The following KHDRBS2 variants were observed in gnomAD, a reference collection of about 807,000 sequenced individuals.
KHDRBS2 encodes KH RNA binding domain containing, signal transduction associated 2, also known as KH domain-containing, RNA-binding, signal transduction-associated protein 2.
Under a neutral mutation model 44.3 loss-of-function variants are expected in KHDRBS2, and 26 were observed. The observed-to-expected ratio is 0.59, with a 90% CI of 0.43 to 0.81. The LOEUF (loss-of-function observed/expected upper bound fraction) is 0.81, where lower values mean the gene tolerates loss of function less well. Ranked by LOEUF, KHDRBS2 falls within the 40% of genes least tolerant of loss-of-function variation. KHDRBS2 has a pLI of 0.00. For synonymous variants in KHDRBS2, 194 were observed against 151.1 expected (o/e 1.28, Z -2.08); for missense variants, 476 against 433.1 (o/e 1.10, Z -0.88).
chr6:61,933,194 G>T (rs1159961154), intron 4 of KHDRBS2, among the ~76,000 whole-genome samples: 1 of 152,132 alleles, frequency 6.6e-6, no homozygotes, highest in Non-Finnish European at 1.5e-5. Flanking sequence ...AGAGAAGGAA[G>T]GTGGTGCTAC....
intron 2 of KHDRBS2, among the ~76,000 whole-genome samples, chr6:62,162,301 G>C (rs1817819507): frequency 6.6e-6 from 1 of 152,046 alleles, no homozygotes. Context: ...GCTGTTGTGT[G>C]TGTGGGAATG....
At chr6:62,236,717 A>T (rs917808111) in intron 1 of KHDRBS2, among the ~76,000 whole-genome samples, 30 of 152,134 alleles carry the variant, frequency 2.0e-4, no homozygotes, top group Non-Finnish European at 3.7e-4. Context: ...AAGCAAATAC[A>T]TGTAAAATAC....
the KHDRBS2 span, among the ~76,000 whole-genome samples, chr6:61,574,610 C>T: frequency 6.6e-6 from 1 of 152,010 alleles, no homozygotes; most frequent in Non-Finnish European, 1.5e-5. Context: ...ATTTGACTAA[C>T]GGAACAAGTT....
chr6:61,558,217 A>G, the KHDRBS2 span, among the ~76,000 whole-genome samples: 1 of 151,790 alleles, frequency 6.6e-6, no homozygotes, highest in Non-Finnish European at 1.5e-5. Context: ...ATGAATCATT[A>G]TGTTGTTTAT....
intron 6 of KHDRBS2, among the ~76,000 whole-genome samples, chr6:61,878,519 C>A (rs1799762836): frequency 6.6e-6 from 1 of 152,000 alleles, no homozygotes; most frequent in Admixed American, 6.6e-5. Context: ...GATAGCAGAG[C>A]AGCATGAACT....
intron 6 of KHDRBS2, among the ~76,000 whole-genome samples, chr6:61,772,033 C>A (rs540365225): frequency 6.6e-6 from 1 of 152,132 alleles, no homozygotes; most frequent in South Asian, 2.1e-4. Flanking sequence ...CAAAACTGCT[C>A]AACCACATGG....
At position 62,066,602 on chromosome 6, in the gene KHDRBS2, T is replaced by C. The variant is rs368039364; in HGVS notation, c.220-18608A>G. Among the ~76,000 whole-genome samples the C allele has an allele frequency of 5.3e-5, 8 of 151,802 alleles. No homozygotes were observed. The South Asian group carries it at 1.2e-3, about 24-fold the overall frequency. On this transcript the variant is annotated intron_variant, in intron 2 of 8. Coordinates refer to ENST00000281156, the MANE Select transcript of KHDRBS2 (RefSeq NM_152688.4). Reference sequence around the variant, plus strand: ...GTGCAAATTAGAGATGTTTGTTCTTTAAAGAAGTTTTCCATCTCTATATAA... The same window carrying C: ...GTGCAAATTAGAGATGTTTGTTCTTCAAAGAAGTTTTCCATCTCTATATAA...
chr6:61,671,925 C>G, the KHDRBS2 span, among the ~76,000 whole-genome samples: 2 of 151,656 alleles, frequency 1.3e-5, no homozygotes, highest in African/African-American at 4.8e-5. Context: ...TATACATGTG[C>G]CATGCTGTGT....
At chr6:61,556,393 G>T in the KHDRBS2 span, among the ~76,000 whole-genome samples, 1 of 152,202 alleles carries the variant, frequency 6.6e-6, no homozygotes, top group Non-Finnish European at 1.5e-5. Context: ...GAATGGGAAA[G>T]AAGTCAAGCT....
intron 1 of KHDRBS2, among the ~76,000 whole-genome samples, chr6:62,198,167 A>G (rs1306070516): frequency 6.6e-6 from 1 of 152,192 alleles, no homozygotes; most frequent in East Asian, 1.9e-4. Context: ...CTAACATCAC[A>G]ATTAAAAGAA....
At chr6:62,062,463 G>A (rs1792221662) in intron 2 of KHDRBS2, among the ~76,000 whole-genome samples, 1 of 151,804 alleles carries the variant, frequency 6.6e-6, no homozygotes, top group South Asian at 2.1e-4. Context: ...TAGAACTCAG[G>A]ATTAAGAATC....
intron 1 of KHDRBS2, among the ~76,000 whole-genome samples, chr6:62,254,653 C>A (rs972307648): frequency 3.3e-5 from 5 of 151,936 alleles, no homozygotes; most frequent in African/African-American, 1.2e-4. Flanking sequence ...AGGAAACCCA[C>A]ACTGCTGGCA....
the KHDRBS2 span, among the ~76,000 whole-genome samples, chr6:61,614,547 A>G: frequency 1.6e-3 from 246 of 152,188 alleles, 1 homozygote; most frequent in Non-Finnish European, 3.0e-3. Flanking sequence ...TTTCTATTCA[A>G]TCTTTTAGGG....
At chr6:62,230,661 T>A (rs114174314) in intron 1 of KHDRBS2, among the ~76,000 whole-genome samples, 1 of 152,154 alleles carries the variant, frequency 6.6e-6, no homozygotes, top group Admixed American at 6.5e-5. Flanking sequence ...TAATGTTTAA[T>A]TATTACTATC....
chr6:61,609,668 C>G, the KHDRBS2 span, among the ~76,000 whole-genome samples: 1 of 152,106 alleles, frequency 6.6e-6, no homozygotes, highest in Non-Finnish European at 1.5e-5. Context: ...GTCAATGGAA[C>G]TAGAAAAGGG....
At chr6:61,550,445 G>T in the KHDRBS2 span, among the ~76,000 whole-genome samples, 4 of 152,102 alleles carry the variant, frequency 2.6e-5, no homozygotes, top group Non-Finnish European at 4.4e-5. Flanking sequence ...ACAATTTATG[G>T]ACATTTAGAC....
Position 62,204,915 on chromosome 6 carries a change from T to C in KHDRBS2, c.92-27603A>G, listed in dbSNP as rs182960046. ...AATGGGCCTATGTAGTTCAAGCCCA[T>C]GTTATTCAAGGGTCAACAGTATGTA... On this transcript the variant is annotated intron_variant, in intron 1 of 8. Transcript: ENST00000281156. 8.1e-4 allele frequency among the ~76,000 whole-genome samples: 124 copies of C among 152,238 alleles called. 1 individual carries two copies. Among genetic ancestry groups the C allele is most frequent in the African/African-American group, 2.8e-3 (118 of 41,572 alleles).
intron 1 of KHDRBS2, among the ~76,000 whole-genome samples, chr6:62,266,712 A>C (rs35380342): frequency 1.1e-3 from 171 of 152,002 alleles, no homozygotes; most frequent in Non-Finnish European, 2.1e-3. Context: ...AGCCAAAATG[A>C]ATGAAGGGCA....
chr6:62,076,820 G>A (rs1188327874), intron 2 of KHDRBS2, among the ~76,000 whole-genome samples: 4 of 151,938 alleles, frequency 2.6e-5, no homozygotes, highest in Non-Finnish European at 4.4e-5. Context: ...TGAGTTGGTA[G>A]GATTGCTTGA....
Sources: allele counts gnomAD v4.1 joint callset (sites outside exome capture counted in the v4.1 genomes callset), GRCh38; gene constraint gnomAD v4.1.1; transcripts MANE v1.5; gene names NCBI Gene and HGNC (gene_info 2026-07-23, HGNC 2026-07-21).